Variants in ZNF730 observed in about 807,000 individuals in gnomAD.
ZNF730 encodes the protein putative zinc finger protein 730.
A neutral mutation model predicts 12.6 loss-of-function variants in ZNF730; 12 were observed. The observed-to-expected ratio is 0.95, with a 90% CI of 0.61 to 1.54. The LOEUF (loss-of-function observed/expected upper bound fraction) is 1.54, where lower values mean the gene tolerates loss of function less well. Among genes scored for constraint, ZNF730 ranks in the 40% most tolerant of loss-of-function variants. The pLI is 0.00. For synonymous variants in ZNF730, 194 were observed against 195.8 expected (o/e 0.99, Z 0.08); for missense variants, 643 against 583.5 (o/e 1.10, Z -1.05).
upstream of ZNF730, chr19:23,116,935 AAACGTTATCCAATCGGGGACACTGGGCGG>A: frequency 5.9e-5 from 6 of 101,644 alleles, no homozygotes; most frequent in Non-Finnish European, 1.1e-4. Context: ...GCGGGGCCTT[AAACGTTATCCAATCGGGGACACTGGGCGG>A]GGGGCCGTCC....
At chr19:23,126,501 A>T (rs1970669050) in intron 1 of ZNF730, 1 of 382,570 alleles carries the variant, frequency 2.6e-6, no homozygotes, top group Non-Finnish European at 5.3e-6. Context: ...AATGCGTAAC[A>T]TCATTAAGAA....
intron 1 of ZNF730, among the ~76,000 whole-genome samples, chr19:23,111,370 C>G (rs1049210420): frequency 1.3e-5 from 2 of 152,182 alleles, no homozygotes; most frequent in African/African-American, 4.8e-5. Flanking sequence ...ATAACAGTAA[C>G]TAAAAGGATA....
Position 23,121,401 on chromosome 19 carries a change from C to T in ZNF730, c.3+4225C>T, listed in dbSNP as rs140104705. Among the ~76,000 whole-genome samples the T allele has an allele frequency of 1.9e-3, 294 of 152,114 alleles. 2 individuals carry two copies. The highest frequency in any genetic ancestry group is 6.7e-3 in the African/African-American group (279 of 41,490). The stretch of plus-strand genomic sequence containing the variant: ...TTGCCCAGGCTAGAGTGTAGTGGCA[C>T]GATCTCGGCTCACTGCAACCTCCGC... On this transcript the variant is annotated intron_variant, in intron 1 of 3. Transcript: ENST00000597761.
intron 1 of ZNF730, among the ~76,000 whole-genome samples, chr19:23,129,508 A>G (rs1175821394): frequency 6.6e-6 from 1 of 151,794 alleles, no homozygotes; most frequent in Admixed American, 6.6e-5. Flanking sequence ...GCATGGGGCC[A>G]GTAGCCCCTT....
chr19:23,077,601 C>A (rs1335422163), intron 1 of ZNF730, among the ~76,000 whole-genome samples: 1 of 151,652 alleles, frequency 6.6e-6, no homozygotes, highest in Non-Finnish European at 1.5e-5. Context: ...GCCAACACAC[C>A]CGGCTAATTT....
intron 1 of ZNF730, among the ~76,000 whole-genome samples, chr19:23,088,588 C>T (rs545787261): frequency 6.6e-6 from 1 of 151,820 alleles, no homozygotes; most frequent in South Asian, 2.1e-4. Context: ...CTCAGCCTCC[C>T]GAGTAGCTGG....
intron 1 of ZNF730, among the ~76,000 whole-genome samples, chr19:23,082,779 G>A (rs1460310340): frequency 2.0e-5 from 3 of 151,648 alleles, no homozygotes; most frequent in East Asian, 3.9e-4. Flanking sequence ...TCGGCTCACC[G>A]CAATCTCTGC....
At chr19:23,127,951 T>G (rs1322639328) in intron 1 of ZNF730, 7 of 712,694 alleles carry the variant, frequency 9.8e-6, no homozygotes, top group Non-Finnish European at 1.8e-5. Context: ...TGCAATGTAT[T>G]GTACTGGCCT....
chr19:23,098,280 T>G (rs1970286356), intron 1 of ZNF730: 1 of 152,162 alleles, frequency 6.6e-6, no homozygotes. Flanking sequence ...CTGATGCAAC[T>G]CTAGCACATA....
At chr19:23,134,635 A>C (rs1970800362) in intron 2 of ZNF730, among the ~76,000 whole-genome samples, 5 of 130,684 alleles carry the variant, frequency 3.8e-5, no homozygotes, top group South Asian at 2.6e-4. Flanking sequence ...CAGCCGCCCC[A>C]TCCAGGAGGT....
intron 1 of ZNF730, 65 bp from the exon 2 acceptor site, chr19:23,134,015 G>C (rs1970782277): frequency 6.3e-7 from 1 of 1,592,118 alleles, no homozygotes; most frequent in Non-Finnish European, 8.6e-7. Context: ...ATTTCACCTT[G>C]AGTGAAACTT....
upstream of ZNF730, among the ~76,000 whole-genome samples, chr19:23,116,394 T>C (rs1181858799): frequency 6.9e-6 from 1 of 145,148 alleles, no homozygotes; most frequent in Non-Finnish European, 1.6e-5. Flanking sequence ...TCTCTCTCTC[T>C]TTCTCTCCTC....
intron 1 of ZNF730, among the ~76,000 whole-genome samples, chr19:23,099,875 GTA>G (rs1970309106): frequency 1.3e-5 from 2 of 152,106 alleles, no homozygotes; most frequent in African/African-American, 4.8e-5. Flanking sequence ...CAGACCTTTG[GTA>G]ATGTCACTCT....
chr19:23,135,900 G>C (rs1309381725), intron 2 of ZNF730, 48 bp from the exon 3 acceptor site: 2 of 1,491,848 alleles, frequency 1.3e-6, no homozygotes, highest in Admixed American at 3.4e-5. Context: ...TTACTAAGTT[G>C]GTAATTGGAG....
At chr19:23,097,995 A>G (rs949309536) in intron 1 of ZNF730, among the ~76,000 whole-genome samples, 80 of 152,054 alleles carry the variant, frequency 5.3e-4, no homozygotes, top group African/African-American at 1.7e-3. Flanking sequence ...AAAGAAAAAA[A>G]TAGCCGGGTA....
At chr19:23,138,686 G>T (rs1215588229) in intron 3 of ZNF730, among the ~76,000 whole-genome samples, 1 of 152,178 alleles carries the variant, frequency 6.6e-6, no homozygotes, top group Non-Finnish European at 1.5e-5. Context: ...TCAATCTTGG[G>T]CATTAGCAGA....
chr19:23,133,123 A>G (rs1206671538), intron 1 of ZNF730, among the ~76,000 whole-genome samples: 1 of 152,156 alleles, frequency 6.6e-6, no homozygotes, highest in Non-Finnish European at 1.5e-5. Flanking sequence ...TATGCAGCTG[A>G]TGTGCAGAAA....
At position 23,146,541 on chromosome 19, in the gene ZNF730, G is replaced by A. The variant is rs576195481; in HGVS notation, c.1497G>A (p.Lys499=). The A allele has an allele frequency of 4.4e-6, 7 of 1,581,080 alleles. No homozygotes were observed. In the East Asian group the frequency reaches 1.6e-4, roughly 36 times the overall value. ...GGTTCTCACACCTTACTAGGCATAA[G>A]ACAATTCATACATAAAATTGTAAAG... The part of the protein sequence containing the change: ...FRRFSHLTRH[K]TIHT The change falls in exon 4 of 4, where the codon AAG becomes AAA. Residue 499 remains lysine, a synonymous_variant. Coordinates refer to ENST00000597761, the MANE Select transcript of ZNF730 (RefSeq NM_001277403.2).
At chr19:23,116,197 CAT>C (rs374825072), upstream of ZNF730, among the ~76,000 whole-genome samples, 406 of 152,306 alleles carry the variant, frequency 2.7e-3, 2 homozygotes, top group African/African-American at 9.5e-3. Flanking sequence ...GATCTGAAGA[CAT>C]AGAGTTTTCT....
Sources: gnomAD v4.1 joint callset for allele counts (sites outside exome capture counted in the v4.1 genomes callset) on GRCh38, gnomAD v4.1.1 for gene constraint, MANE v1.5 for transcripts, NCBI Gene and HGNC (gene_info 2026-07-23, HGNC 2026-07-21) for gene names.